ZPLD1: variants seen among roughly 807,000 people sequenced by gnomAD.
The protein encoded by ZPLD1 is zona pellucida-like domain-containing protein 1.
ZPLD1 carries 34 observed loss-of-function variants against 47.2 expected under a neutral mutation model. That is an observed-to-expected ratio of 0.72 (90% confidence interval 0.55 to 0.96). The LOEUF (loss-of-function observed/expected upper bound fraction) is 0.96, where lower values mean the gene tolerates loss of function less well. Ranked by LOEUF, ZPLD1 falls within the 40% of genes least tolerant of loss-of-function variation. ZPLD1 has a pLI of 0.00. For missense variants in ZPLD1, 512 were observed against 505.8 expected (o/e 1.01, Z -0.12); for synonymous variants, 176 against 186.2 (o/e 0.95, Z 0.45).
At chr3:102,403,866 T>C (rs921339406) in intron 7 of ZPLD1, among the ~76,000 whole-genome samples, 17 of 151,190 alleles carry the variant, frequency 1.1e-4, no homozygotes, top group African/African-American at 4.1e-4. Flanking sequence ...AACCAGTTGA[T>C]GATACAGATC....
chr3:102,445,114 G>A (rs563540206), intron 3 of ZPLD1, among the ~76,000 whole-genome samples: 2 of 152,288 alleles, frequency 1.3e-5, no homozygotes, highest in African/African-American at 4.8e-5. Flanking sequence ...TTTTGATGTG[G>A]ACTGCTCTGC....
upstream of ZPLD1, among the ~76,000 whole-genome samples, chr3:102,433,931 T>G (rs1707049839): frequency 6.6e-6 from 1 of 152,202 alleles, no homozygotes; most frequent in South Asian, 2.1e-4. Flanking sequence ...ATTATTTAAT[T>G]CAGAGCATAT....
At chr3:102,409,835 C>T (rs1706730864) in intron 7 of ZPLD1, among the ~76,000 whole-genome samples, 1 of 151,784 alleles carries the variant, frequency 6.6e-6, no homozygotes, top group Non-Finnish European at 1.5e-5. Context: ...TAAATCTTCA[C>T]AAATAAACTT....
chr3:102,435,934 G>C (rs981369663), intron 1 of ZPLD1, among the ~76,000 whole-genome samples: 1 of 152,192 alleles, frequency 6.6e-6, no homozygotes, highest in Non-Finnish European at 1.5e-5. Flanking sequence ...GAGCCACCAC[G>C]CCTGGCCATT....
intron 7 of ZPLD1, among the ~76,000 whole-genome samples, chr3:102,402,697 T>C (rs905488338): frequency 3.9e-5 from 6 of 151,954 alleles, no homozygotes; most frequent in Non-Finnish European, 8.8e-5. Context: ...ACAATGAGAA[T>C]GCTTTTTAAA....
At chr3:102,409,265 G>T (rs78975011) in intron 7 of ZPLD1, among the ~76,000 whole-genome samples, 1 of 151,838 alleles carries the variant, frequency 6.6e-6, no homozygotes, top group Admixed American at 6.6e-5. Context: ...GTACTCCATC[G>T]TTTTTCCACC....
intron 11 of ZPLD1, 32 bp from the exon 12 acceptor site, chr3:102,477,411 C>T: frequency 6.3e-7 from 1 of 1,595,588 alleles, no homozygotes; most frequent in Non-Finnish European, 8.5e-7. Flanking sequence ...TATATGGGGC[C>T]TTTACAACCG....
intron 7 of ZPLD1, among the ~76,000 whole-genome samples, chr3:102,409,986 G>A (rs868002427): frequency 6.6e-6 from 1 of 151,712 alleles, no homozygotes; most frequent in African/African-American, 2.4e-5. Context: ...ATTAGGTTTT[G>A]CACAAATTAT....
At chr3:102,468,705 G>A (rs1389679315) in intron 8 of ZPLD1, among the ~76,000 whole-genome samples, 1 of 152,112 alleles carries the variant, frequency 6.6e-6, no homozygotes, top group African/African-American at 2.4e-5. Context: ...AAATTATTTG[G>A]ATTTTTGAAC....
intron 10 of ZPLD1, among the ~76,000 whole-genome samples, chr3:102,475,714 C>T (rs1455526845): frequency 3.3e-5 from 5 of 151,902 alleles, no homozygotes; most frequent in Admixed American, 1.3e-4. Context: ...TGTCCTATAG[C>T]GATGCATTGC....
chr3:102,434,949 C>T (rs1014410604), upstream of ZPLD1: 1 of 657,390 alleles, frequency 1.5e-6, no homozygotes, highest in East Asian at 2.7e-5. Context: ...ATACACATGT[C>T]TGGAATTGCA....
rs376353803 is a variant in ZPLD1 at position 102,448,356 on chromosome 3, G to A, written c.107-4563G>A. On this transcript the variant is annotated intron_variant, in intron 3 of 11. Transcript: ENST00000466937. ...CAGGCCAGGGATTGGACAGTAAAAG[G>A]CTTAAAAAGTGTAGCTGTTGAGAGC... is the stretch of plus-strand genomic sequence containing the variant. Among the ~76,000 whole-genome samples the A allele has an allele frequency of 5.3e-5, 8 of 152,280 alleles. No homozygotes were observed. The East Asian group carries it at 7.7e-4, about 15-fold the overall frequency.
rs138641254 is a variant in ZPLD1, at chr3:102,478,482, A to AGAACATTATCATCAGCTCATAAACATACT, written c.*865_*866insAACATTATCATCAGCTCATAAACATACTG. The AGAACATTATCATCAGCTCATAAACATACT allele has an allele frequency of 2.0e-5, 3 of 151,700 alleles. No homozygotes were observed. Among genetic ancestry groups the AGAACATTATCATCAGCTCATAAACATACT allele is most frequent in the Non-Finnish European group, 4.4e-5 (3 of 67,846 alleles). The allele number at this position is 151,700 out of a possible 1,614,324, so 9.4% of individuals were successfully genotyped here. A position where few individuals can be genotyped will look rare whatever the true frequency, so the allele number is the denominator to read the frequency against. On this transcript the variant is annotated 3_prime_UTR_variant, in exon 12 of 12. Coordinates refer to ENST00000466937, the MANE Select transcript of ZPLD1 (RefSeq NM_001329788.2). ...GAAAACAAGCTGTAGTTGTGAAAAG[A>AGAACATTATCATCAGCTCATAAACATACT]GTTCCTAGAAGGGTTTTTAACAATT...
chr3:102,475,336 T>C (rs1707743517), intron 10 of ZPLD1, among the ~76,000 whole-genome samples: 1 of 152,116 alleles, frequency 6.6e-6, no homozygotes, highest in African/African-American at 2.4e-5. Flanking sequence ...GTCTGACTTT[T>C]GTTAACCTTA....
chr3:102,447,392 A>G (rs965767941), intron 3 of ZPLD1, among the ~76,000 whole-genome samples: 1 of 152,116 alleles, frequency 6.6e-6, no homozygotes, highest in Non-Finnish European at 1.5e-5. Context: ...TACACTATAC[A>G]CTGACCTCCA....
rs371725946 is a variant in ZPLD1 at position 102,403,645 on chromosome 3, T to G, written c.-157+11420T>G. 2.0e-5 allele frequency among the ~76,000 whole-genome samples: 3 copies of G among 152,056 alleles called. No individual in the cohort carries two copies. The East Asian group carries it at 5.8e-4, about 29-fold the overall frequency. ...TAGCTTAATCATACCCTTAGATTCC[T>G]ATAACTTCTTCACAAATCAGGAAAT... On this transcript the variant is annotated intron_variant, in intron 7 of 17. Transcript: ENST00000491959.
chr3:102,459,932 T>C (rs1467306669), intron 6 of ZPLD1, among the ~76,000 whole-genome samples: 2 of 152,144 alleles, frequency 1.3e-5, no homozygotes, highest in Non-Finnish European at 2.9e-5. Context: ...AAATATAAAG[T>C]GGCATTTGCT....
chr3:102,450,283 A>G (rs952311705), intron 3 of ZPLD1, among the ~76,000 whole-genome samples: 2 of 152,178 alleles, frequency 1.3e-5, no homozygotes, highest in Non-Finnish European at 2.9e-5. Context: ...AGATGTGCCA[A>G]TCTTCAGGGT....
intron 7 of ZPLD1, among the ~76,000 whole-genome samples, chr3:102,417,895 G>A (rs112896922): frequency 6.6e-6 from 1 of 151,804 alleles, no homozygotes; most frequent in Non-Finnish European, 1.5e-5. Context: ...GAAAAAAAGA[G>A]AAAGGGAATG....
Sources: gnomAD v4.1 joint callset for allele counts (sites outside exome capture counted in the v4.1 genomes callset) on GRCh38, gnomAD v4.1.1 for gene constraint, MANE v1.5 for transcripts, NCBI Gene and HGNC (gene_info 2026-07-23, HGNC 2026-07-21) for gene names.